The following CABP1 variants were observed in gnomAD, a reference collection of about 807,000 sequenced individuals.
CABP1 encodes calcium binding protein 1.
CABP1 carries 17 observed loss-of-function variants against 34.3 expected under a neutral mutation model. The observed-to-expected ratio is 0.50, with a 90% CI of 0.34 to 0.74. The LOEUF (loss-of-function observed/expected upper bound fraction) is 0.74. Among genes scored for constraint, CABP1 ranks in the 30% least tolerant of loss-of-function variants. CABP1 has a pLI of 0.01. For missense variants in CABP1, 373 were observed against 511.1 expected (o/e 0.73, Z 2.61); for synonymous variants, 198 against 229.2 (o/e 0.86, Z 1.23).
downstream of CABP1, among the ~76,000 whole-genome samples, chr12:120,670,545 T>C (rs535436407): frequency 1.9e-4 from 29 of 152,112 alleles, no homozygotes; most frequent in Admixed American, 1.1e-3. Flanking sequence ...GTCAGGAGTC[T>C]GAGACCAGCC....
the CABP1 span, among the ~76,000 whole-genome samples, chr12:120,675,348 C>T: frequency 3.9e-5 from 6 of 152,154 alleles, no homozygotes; most frequent in African/African-American, 9.7e-5. Flanking sequence ...CCACTGCCCC[C>T]GGCCATTATC....
At chr12:120,647,260 C>G (rs1452652599) in intron 1 of CABP1, among the ~76,000 whole-genome samples, 3 of 152,156 alleles carry the variant, frequency 2.0e-5, no homozygotes, top group Admixed American at 6.5e-5. Flanking sequence ...TGTATTATCT[C>G]ATTAGCTCCT....
In CABP1 at chr12:120,641,597, C is replaced by G. The variant is rs1004810946; in HGVS notation, c.654+258C>G. The G allele has an allele frequency of 2.7e-6, 1 of 363,832 alleles. No individual in the cohort carries two copies. Among genetic ancestry groups the G allele is most frequent in the Non-Finnish European group, 4.9e-6 (1 of 205,198 alleles). The allele number at this position is 363,832 out of a possible 1,614,324, so 22.5% of individuals were successfully genotyped here. A position where few individuals can be genotyped will look rare whatever the true frequency, so the allele number is the denominator to read the frequency against. ...CTAGCCTCCCTCATACCCGCCAGAA[C>G]CCGCCAGTCCTGGAAGAGAGCGACC... On this transcript the variant is annotated intron_variant, in intron 1 of 5. Coordinates refer to ENST00000316803, the MANE Select transcript of CABP1 (RefSeq NM_001033677.2). The surrounding 1 kb of genome is among the most constrained non-coding windows in gnomAD (Gnocchi z 6.7).
chr12:120,655,632 T>C (rs1315691127), intron 1 of CABP1: 4 of 1,391,884 alleles, frequency 2.9e-6, no homozygotes, highest in Non-Finnish European at 9.3e-7. Flanking sequence ...ACAAGTCTGT[T>C]TGGGAGCTGG....
At chr12:120,652,482 C>T (rs1879909711) in intron 1 of CABP1, among the ~76,000 whole-genome samples, 1 of 152,060 alleles carries the variant, frequency 6.6e-6, no homozygotes, top group African/African-American at 2.4e-5. Flanking sequence ...AGAGATAGAG[C>T]CTTCCTAAGG....
rs1029076197 is a variant in CABP1 at position 120,660,164 on chromosome 12, C to G, written c.686-32C>G. 6.2e-7 allele frequency: 1 copy of G among 1,613,114 alleles called. No individual in the cohort carries two copies. Among genetic ancestry groups the G allele is most frequent in the East Asian group, 2.2e-5 (1 of 44,890 alleles). Reference sequence around the variant, plus strand: ...CACAGAGGCTCTGCGGGTCCTACCCCTGACCACATCCACCTTTGCTCACTT... The same window carrying G: ...CACAGAGGCTCTGCGGGTCCTACCCGTGACCACATCCACCTTTGCTCACTT... On this transcript the variant is annotated intron_variant, in intron 2 of 5. Transcript: ENST00000316803. This position sits in a 1 kb window ranked among gnomAD's most constrained non-coding sequence, Gnocchi z 5.0.
At chr12:120,644,591 C>A (rs984015892) in intron 1 of CABP1, among the ~76,000 whole-genome samples, 13 of 152,172 alleles carry the variant, frequency 8.5e-5, no homozygotes, top group African/African-American at 3.1e-4. Context: ...AAGAAACATG[C>A]CTTGTGGAGG....
chr12:120,653,839 T>G (rs1879999425), intron 1 of CABP1, among the ~76,000 whole-genome samples: 1 of 152,206 alleles, frequency 6.6e-6, no homozygotes, highest in Non-Finnish European at 1.5e-5. Flanking sequence ...GGCCCGCCTC[T>G]TGGAGTTCTG....
At chr12:120,663,725 A>T (rs1349719523) in intron 5 of CABP1, among the ~76,000 whole-genome samples, 1 of 152,218 alleles carries the variant, frequency 6.6e-6, no homozygotes, top group East Asian at 1.9e-4. Context: ...TTATAACCTC[A>T]TGTTACAGAT....
chr12:120,666,244 T>TA (rs1359058282), intron 5 of CABP1, among the ~76,000 whole-genome samples: 1 of 125,436 alleles, frequency 8.0e-6, no homozygotes, highest in African/African-American at 3.0e-5. Flanking sequence ...AGGGAGGGGG[T>TA]ACAGGTTGCT....
the CABP1 span, among the ~76,000 whole-genome samples, chr12:120,679,752 G>C: frequency 6.6e-6 from 1 of 152,228 alleles, no homozygotes; most frequent in South Asian, 2.1e-4. Context: ...ACTTGAACCC[G>C]GGAGGTGGAG....
chr12:120,669,421 G>A (rs1881172540), downstream of CABP1, among the ~76,000 whole-genome samples: 1 of 152,234 alleles, frequency 6.6e-6, no homozygotes, highest in African/African-American at 2.4e-5. Context: ...AGGGCAACCT[G>A]CGGGAAGAGG....
Position 120,660,243 on chromosome 12 carries a change from A to T in CABP1, c.733A>T (p.Ile245Phe). Reference protein sequence around the residue: ...REFDKDKDGYINCRDLGNCMR... With the variant: ...REFDKDKDGYFNCRDLGNCMR... ...ATTCGACAAGGACAAGGATGGCTACATCAACTGCCGGGATCTGGGCAACTG... is the reference window on the plus strand; with the variant it reads ...ATTCGACAAGGACAAGGATGGCTACTTCAACTGCCGGGATCTGGGCAACTG... Residue 245 changes from isoleucine to phenylalanine, a missense_variant, in exon 3 of 6, where the codon ATC becomes TTC. Ile to Phe is a conservative substitution (Grantham distance 21). This residue lies in a region of CABP1 where 109 missense variants were observed against 204.8 expected (regional missense o/e 0.53). Coordinates refer to ENST00000316803, the MANE Select transcript of CABP1 (RefSeq NM_001033677.2). The surrounding 1 kb of genome is among the most constrained non-coding windows in gnomAD (Gnocchi z 5.0). 6.2e-7 allele frequency: 1 copy of T among 1,614,158 alleles called. No homozygotes were observed. Among genetic ancestry groups the T allele is most frequent in the Non-Finnish European group, 8.5e-7 (1 of 1,180,016 alleles).
intron 1 of CABP1, among the ~76,000 whole-genome samples, chr12:120,642,075 C>T (rs748830270): frequency 4.6e-5 from 7 of 152,072 alleles, no homozygotes; most frequent in Non-Finnish European, 7.4e-5. Context: ...AAAGCAGCTC[C>T]GTAGTCACAA....
chr12:120,648,569 G>T (rs1040697243), intron 1 of CABP1, among the ~76,000 whole-genome samples: 1 of 152,102 alleles, frequency 6.6e-6, no homozygotes, highest in Non-Finnish European at 1.5e-5. Flanking sequence ...TTCAGGAATG[G>T]GAGGCAGCCA....
chr12:120,645,311 G>T (rs1236492568), intron 1 of CABP1, among the ~76,000 whole-genome samples: 1 of 152,196 alleles, frequency 6.6e-6, no homozygotes, highest in Non-Finnish European at 1.5e-5. Flanking sequence ...GTCAGCTTGT[G>T]GTTAACATCA....
the CABP1 span, among the ~76,000 whole-genome samples, chr12:120,674,036 T>C: frequency 9.0e-4 from 137 of 152,196 alleles, 3 homozygotes; most frequent in South Asian, 0.027. Flanking sequence ...AATTAAAAAT[T>C]AGCCAGGGAT....
At chr12:120,669,998 T>C (rs990521780), downstream of CABP1, among the ~76,000 whole-genome samples, 1 of 152,170 alleles carries the variant, frequency 6.6e-6, no homozygotes, top group African/African-American at 2.4e-5. Context: ...GAAACGTTTT[T>C]TTTTCTTTCT....
chr12:120,664,758 T>A (rs1880858259), intron 5 of CABP1, among the ~76,000 whole-genome samples: 1 of 151,640 alleles, frequency 6.6e-6, no homozygotes, highest in African/African-American at 2.4e-5. Context: ...ACACCTGTAA[T>A]CCCAGCACTT....
Sources: gnomAD v4.1 joint callset for allele counts (sites outside exome capture counted in the v4.1 genomes callset) on GRCh38, gnomAD v4.1.1 for gene constraint, gnomAD v4.1.1 regional missense constraint, Gnocchi (gnomAD v3.1) non-coding constraint, MANE v1.5 for transcripts, NCBI Gene and HGNC (gene_info 2026-07-23, HGNC 2026-07-21) for gene names.